The following PTK2 variants were observed in gnomAD, a reference collection of about 807,000 sequenced individuals.
PTK2 encodes the protein focal adhesion kinase 1.
Under a neutral mutation model 150.1 loss-of-function variants are expected in PTK2, and 45 were observed. The observed-to-expected ratio is 0.30, with a 90% confidence interval of 0.24 to 0.38. The LOEUF is 0.38. Ranked by LOEUF, PTK2 falls within the 10% of genes least tolerant of loss-of-function variation. PTK2 has a pLI of 1.00. For synonymous variants in PTK2, 432 were observed against 449.2 expected (o/e 0.96, Z 0.48); for missense variants, 919 against 1,307.3 (o/e 0.70, Z 4.58).
chr8:140,809,668 T>C (rs968870706), intron 10 of PTK2, among the ~76,000 whole-genome samples: 12 of 152,050 alleles, frequency 7.9e-5, no homozygotes, highest in African/African-American at 2.2e-4. Flanking sequence ...TAGCCGAGTG[T>C]AATGGTGTGT....
chr8:140,722,226 G>A (rs932816842), intron 22 of PTK2, among the ~76,000 whole-genome samples: 3 of 152,140 alleles, frequency 2.0e-5, no homozygotes, highest in African/African-American at 7.2e-5. Context: ...CCCTGCCCTG[G>A]CCTCCCAAAG....
At chr8:140,830,154 C>T in intron 8 of PTK2, among the ~76,000 whole-genome samples, 1 of 152,188 alleles carries the variant, frequency 6.6e-6, no homozygotes, top group African/African-American at 2.4e-5. Context: ...CATATTGCTC[C>T]TTTTCTTCTG....
intron 10 of PTK2, among the ~76,000 whole-genome samples, chr8:140,810,639 A>G (rs2100100945): frequency 6.6e-6 from 1 of 152,150 alleles, no homozygotes; most frequent in South Asian, 2.1e-4. Context: ...GTACGCAGGC[A>G]GGTATTGCCT....
intron 26 of PTK2, among the ~76,000 whole-genome samples, chr8:140,699,020 T>C (rs2100028625): frequency 6.6e-6 from 1 of 151,364 alleles, no homozygotes; most frequent in Non-Finnish European, 1.5e-5. Flanking sequence ...CTGCCCACCT[T>C]GGCCTCCCAA....
At chr8:140,797,312 T>G (rs1188081061) in intron 12 of PTK2, among the ~76,000 whole-genome samples, 2 of 152,208 alleles carry the variant, frequency 1.3e-5, no homozygotes, top group East Asian at 3.8e-4. Flanking sequence ...GAAGAACACT[T>G]GAAAAATGAG....
chr8:140,711,672 T>C (rs538253311), intron 23 of PTK2, among the ~76,000 whole-genome samples: 15 of 152,332 alleles, frequency 9.8e-5, no homozygotes, highest in African/African-American at 3.4e-4. Flanking sequence ...ACCAATGAAA[T>C]TCCTATCAGT....
At chr8:140,677,948 T>C (rs947749807) in intron 27 of PTK2, among the ~76,000 whole-genome samples, 1 of 152,114 alleles carries the variant, frequency 6.6e-6, no homozygotes, top group Non-Finnish European at 1.5e-5. Context: ...ACAATGAACA[T>C]GTATTAGTAT....
chr8:140,815,486 C>A (rs1758824016), intron 10 of PTK2, among the ~76,000 whole-genome samples: 1 of 152,010 alleles, frequency 6.6e-6, no homozygotes, highest in South Asian at 2.1e-4. Flanking sequence ...ACCTGGGTGA[C>A]AAAGTAATCT....
At chr8:140,884,857 T>C (rs1353383749) in intron 3 of PTK2, among the ~76,000 whole-genome samples, 1 of 152,210 alleles carries the variant, frequency 6.6e-6, no homozygotes, top group African/African-American at 2.4e-5. Flanking sequence ...AACACACCTA[T>C]ATTTTAACAA....
chr8:140,960,120 T>A (rs2100182602), intron 1 of PTK2, among the ~76,000 whole-genome samples: 1 of 151,728 alleles, frequency 6.6e-6, no homozygotes, highest in Non-Finnish European at 1.5e-5. Flanking sequence ...AGTATTTTTT[T>A]AAATGTTCTA....
intron 1 of PTK2, among the ~76,000 whole-genome samples, chr8:140,965,674 C>G (rs979500686): frequency 3.3e-5 from 5 of 152,046 alleles, no homozygotes; most frequent in Non-Finnish European, 7.4e-5. Flanking sequence ...ATCAGGAGTT[C>G]GAGACCAGCC....
chr8:140,866,934 G>T (rs1449224298), intron 4 of PTK2, among the ~76,000 whole-genome samples: 2 of 152,142 alleles, frequency 1.3e-5, no homozygotes, highest in Non-Finnish European at 2.9e-5. Flanking sequence ...TCTGAACAAA[G>T]ATCTAAATAA....
At chr8:140,834,838 C>T (rs1287065372) in intron 7 of PTK2, among the ~76,000 whole-genome samples, 1 of 152,240 alleles carries the variant, frequency 6.6e-6, no homozygotes, top group Non-Finnish European at 1.5e-5. Context: ...TAGAACACTG[C>T]TGACTGATAT....
chr8:140,762,937 C>T (rs1014592837), intron 15 of PTK2, among the ~76,000 whole-genome samples: 13 of 152,074 alleles, frequency 8.5e-5, no homozygotes, highest in African/African-American at 1.2e-4. Flanking sequence ...CATGCTACCA[C>T]GCCTGCCTAA....
intron 4 of PTK2, among the ~76,000 whole-genome samples, chr8:140,878,286 C>A (rs181560718): frequency 6.6e-6 from 1 of 152,098 alleles, no homozygotes; most frequent in African/African-American, 2.4e-5. Flanking sequence ...CTGTAACTGG[C>A]GTAGGGTTTT....
At chr8:140,795,858 C>G (rs1434045983) in intron 12 of PTK2, among the ~76,000 whole-genome samples, 8 of 152,188 alleles carry the variant, frequency 5.3e-5, no homozygotes, top group African/African-American at 1.9e-4. Flanking sequence ...ACCACACATG[C>G]CTTGAAATGT....
At chr8:140,746,726 G>A (rs763266911) in intron 18 of PTK2, 34 bp downstream of exon 21, 3 of 1,473,316 alleles carry the variant, frequency 2.0e-6, no homozygotes, top group East Asian at 4.6e-5. Context: ...ATCAAACGCT[G>A]AGTCCAGAAG....
chr8:141,001,219 G>C (rs1007142072), exon 1 of PTK2: 1 of 149,552 alleles, frequency 6.7e-6, no homozygotes, highest in East Asian at 1.9e-4. Context: ...CTCACGCCGC[G>C]GGCTCACAGT....
At chr8:140,819,183 G>A (rs774319373) in intron 8 of PTK2, among the ~76,000 whole-genome samples, 163 bp from the exon 9 acceptor site, 1 of 152,082 alleles carries the variant, frequency 6.6e-6, no homozygotes, top group African/African-American at 2.4e-5. Flanking sequence ...ATTTATCAAA[G>A]CTTTATTCTT....
Sources: allele counts gnomAD v4.1 joint callset (sites outside exome capture counted in the v4.1 genomes callset), GRCh38; gene constraint gnomAD v4.1.1; transcripts MANE v1.5; gene names NCBI Gene and HGNC (gene_info 2026-07-23, HGNC 2026-07-21).